STK32A: variants seen among roughly 807,000 people sequenced by gnomAD.
STK32A encodes the protein serine/threonine kinase 32A.
A neutral mutation model predicts 53.2 loss-of-function variants in STK32A; 41 were observed. The observed-to-expected ratio is 0.77, with a 90% CI of 0.60 to 1.00. The LOEUF (loss-of-function observed/expected upper bound fraction) is 1.00, where lower values mean the gene tolerates loss of function less well. Ranked by LOEUF, STK32A falls within the 50% of genes least tolerant of loss-of-function variation. The pLI is 0.00. For missense variants in STK32A, 458 were observed against 485.8 expected (o/e 0.94, Z 0.54); for synonymous variants, 166 against 162.8 (o/e 1.02, Z -0.15).
At chr5:147,399,033 C>T in the STK32A span, 1 of 1,593,844 alleles carries the variant, frequency 6.3e-7, no homozygotes, top group Non-Finnish European at 8.6e-7. Context: ...GACCAAGTTC[C>T]TTGCATGCAT....
intron 4 of STK32A, among the ~76,000 whole-genome samples, chr5:147,302,409 T>C (rs917408910): frequency 3.9e-5 from 6 of 152,110 alleles, no homozygotes; most frequent in Non-Finnish European, 7.4e-5. Flanking sequence ...GTGTAGACAT[T>C]GGGGATCATT....
At chr5:147,377,800 T>C (rs1398512145) in intron 11 of STK32A, among the ~76,000 whole-genome samples, 1 of 152,150 alleles carries the variant, frequency 6.6e-6, no homozygotes, top group Admixed American at 6.6e-5. Context: ...TTGAGTGCTT[T>C]CCGGAGTTTT....
In STK32A at chr5:147,373,194, G is replaced by A. The variant is rs199893483; in HGVS notation, c.803G>A (p.Arg268Gln). ...CTACTCGAACCTAATCCAGACCAAC[G>A]ATTTTCTCAGTTATCTGATGTCCAG... ...KKLLEPNPDQ[R>Q]FSQLSDVQNF... Residue 268 changes from arginine to glutamine, a missense_variant, in exon 10 of 13, where the codon CGA (arginine) becomes CAA (glutamine). By Grantham distance (43) the Arg-to-Gln change is conservative. Transcript: ENST00000397936. 1.0e-4 allele frequency: 166 copies of A among 1,613,064 alleles called. No individual in the cohort carries two copies. The highest frequency in any genetic ancestry group is 1.6e-4 in the Middle Eastern group (1 of 6,074).
chr5:147,293,937 A>G (rs907082046), intron 4 of STK32A, among the ~76,000 whole-genome samples: 7 of 152,136 alleles, frequency 4.6e-5, no homozygotes, highest in Admixed American at 4.6e-4. Context: ...TGTCAATACT[A>G]AAGCTAATTT....
At chr5:147,367,659 G>A (rs929127393) in intron 8 of STK32A, among the ~76,000 whole-genome samples, 1 of 152,154 alleles carries the variant, frequency 6.6e-6, no homozygotes, top group Non-Finnish European at 1.5e-5. Context: ...AATTTCACAA[G>A]GTAGTGTCAT....
At chr5:147,236,934 A>C (rs1753348208) in intron 1 of STK32A, among the ~76,000 whole-genome samples, 1 of 152,168 alleles carries the variant, frequency 6.6e-6, no homozygotes, top group Non-Finnish European at 1.5e-5. Flanking sequence ...GTGCATTGTG[A>C]AAACTACATG....
intron 2 of STK32A, 122 bp downstream of exon 2, chr5:147,239,808 C>G: frequency 1.4e-6 from 1 of 725,318 alleles, no homozygotes; most frequent in South Asian, 1.9e-5. Flanking sequence ...AAAGGCAAAG[C>G]TGCATGAGTG....
chr5:147,266,893 C>T (rs778189496), intron 2 of STK32A, among the ~76,000 whole-genome samples: 3 of 151,826 alleles, frequency 2.0e-5, no homozygotes, highest in Non-Finnish European at 2.9e-5. Context: ...CATGGTGGTG[C>T]GTGTCTGTAA....
intron 4 of STK32A, among the ~76,000 whole-genome samples, chr5:147,312,766 A>G (rs1753767036): frequency 6.6e-6 from 1 of 152,242 alleles, no homozygotes; most frequent in Non-Finnish European, 1.5e-5. Flanking sequence ...GCACTGACGT[A>G]CTGCTGGTGG....
intron 1 of STK32A, 34 bp from the exon 2 acceptor site, chr5:147,239,505 T>C (rs1041880624): frequency 3.0e-5 from 20 of 676,712 alleles, no homozygotes; most frequent in Non-Finnish European, 4.6e-5. Flanking sequence ...GAGTATAGCA[T>C]ATTATTAGGG....
intron 5 of STK32A, among the ~76,000 whole-genome samples, chr5:147,334,941 C>A (rs116438754): frequency 6.6e-6 from 1 of 152,166 alleles, no homozygotes; most frequent in Admixed American, 6.5e-5. Context: ...TATTTCCAAA[C>A]CCATATATAC....
chr5:147,269,545 G>C (rs937770476), intron 2 of STK32A, among the ~76,000 whole-genome samples: 1 of 152,208 alleles, frequency 6.6e-6, no homozygotes, highest in Admixed American at 6.5e-5. Flanking sequence ...GCGAATCATA[G>C]CACTGAGGAG....
chr5:147,361,453 G>A (rs1174283071), intron 7 of STK32A, 64 bp from the exon 8 acceptor site: 1 of 1,086,586 alleles, frequency 9.2e-7, no homozygotes, highest in African/African-American at 1.6e-5. Flanking sequence ...GGAGGAACAT[G>A]TTGAGAAAAT....
At chr5:147,360,450 CAAA>C (rs56690647) in intron 7 of STK32A, among the ~76,000 whole-genome samples, 2 of 81,198 alleles carry the variant, frequency 2.5e-5, no homozygotes, top group Non-Finnish European at 2.5e-5. Flanking sequence ...GATTCTGTCT[CAAA>C]AAAAAAAAAA....
intron 8 of STK32A, among the ~76,000 whole-genome samples, chr5:147,367,314 C>A (rs1298741048): frequency 3.9e-5 from 6 of 152,256 alleles, no homozygotes; most frequent in Admixed American, 3.3e-4. Flanking sequence ...AATCCACCTG[C>A]CTTGGCCCTG....
chr5:147,269,223 A>T (rs537797586), intron 2 of STK32A, among the ~76,000 whole-genome samples: 1 of 152,288 alleles, frequency 6.6e-6, no homozygotes, highest in Admixed American at 6.5e-5. Flanking sequence ...TAAATGTTAG[A>T]TGTTAGCTAC....
At chr5:147,365,345 C>A (rs960778975) in intron 8 of STK32A, among the ~76,000 whole-genome samples, 2 of 152,148 alleles carry the variant, frequency 1.3e-5, no homozygotes, top group Admixed American at 6.5e-5. Flanking sequence ...TGTACTCCTG[C>A]CTTTCCTGAG....
At chr5:147,256,926 G>A (rs935291626) in intron 2 of STK32A, among the ~76,000 whole-genome samples, 2 of 152,132 alleles carry the variant, frequency 1.3e-5, no homozygotes, top group South Asian at 2.1e-4. Context: ...AGGTGCAGGC[G>A]GTGGGGATCA....
chr5:147,287,753 C>T (rs1261531096), intron 4 of STK32A, among the ~76,000 whole-genome samples: 1 of 152,138 alleles, frequency 6.6e-6, no homozygotes, highest in African/African-American at 2.4e-5. Context: ...AATTGCCTTT[C>T]TTCCCCTCTC....
Sources: gnomAD v4.1 joint callset for allele counts (sites outside exome capture counted in the v4.1 genomes callset) on GRCh38, gnomAD v4.1.1 for gene constraint, MANE v1.5 for transcripts, NCBI Gene and HGNC (gene_info 2026-07-23, HGNC 2026-07-21) for gene names.